Variants in SEMA3A observed in about 807,000 individuals in gnomAD.
SEMA3A encodes semaphorin 3A.
SEMA3A carries 29 observed loss-of-function variants against 97.9 expected under a neutral mutation model. The ratio of observed to expected loss-of-function variants is 0.30; its 90% CI spans 0.22 to 0.40. The LOEUF (loss-of-function observed/expected upper bound fraction) is 0.40. SEMA3A is among the 10% of genes least tolerant of loss of function. The pLI, the probability that SEMA3A is intolerant of heterozygous loss-of-function variation, is 1.00. For synonymous variants in SEMA3A, 321 were observed against 323.7 expected (o/e 0.99, Z 0.09); for missense variants, 763 against 951.3 (o/e 0.80, Z 2.60).
chr7:84,463,795 TC>T (rs1165620406), intron 1 of SEMA3A, among the ~76,000 whole-genome samples: 2 of 151,724 alleles, frequency 1.3e-5, no homozygotes, highest in East Asian at 3.9e-4. Context: ...CCACTTTTCC[TC>T]CCTCTTTCCC....
intron 2 of SEMA3A, among the ~76,000 whole-genome samples, chr7:84,316,526 G>A (rs1189901195): frequency 6.6e-6 from 1 of 151,876 alleles, no homozygotes; most frequent in Admixed American, 6.6e-5. Context: ...ACCCTATGAA[G>A]TCCACCATTA....
At chr7:84,424,183 C>T (rs575419623) in intron 1 of SEMA3A, among the ~76,000 whole-genome samples, 4 of 151,248 alleles carry the variant, frequency 2.6e-5, no homozygotes, top group African/African-American at 9.7e-5. Context: ...CAAAAAGACA[C>T]CTGCACACGA....
intron 7 of SEMA3A, among the ~76,000 whole-genome samples, chr7:84,013,527 A>C (rs934579672): frequency 6.6e-6 from 1 of 152,138 alleles, no homozygotes; most frequent in African/African-American, 2.4e-5. Context: ...TTAAATGAAT[A>C]CTTCACATCT....
intron 2 of SEMA3A, among the ~76,000 whole-genome samples, chr7:84,332,594 G>A (rs1313014960): frequency 1.3e-5 from 2 of 151,860 alleles, no homozygotes; most frequent in Admixed American, 1.3e-4. Flanking sequence ...ATTTAGTGTG[G>A]TAGTTAAAAG....
At chr7:84,323,331 T>G (rs1801696997) in intron 2 of SEMA3A, among the ~76,000 whole-genome samples, 2 of 152,172 alleles carry the variant, frequency 1.3e-5, no homozygotes, top group African/African-American at 4.8e-5. Context: ...TTGCTAAAGT[T>G]TGCTAATATT....
chr7:84,393,800 A>T (rs1345413932), intron 1 of SEMA3A, among the ~76,000 whole-genome samples: 1 of 152,120 alleles, frequency 6.6e-6, no homozygotes, highest in Non-Finnish European at 1.5e-5. Flanking sequence ...CTTCCATGAA[A>T]AATGAGTAAG....
At chr7:84,112,716 G>C (rs992845722) in intron 3 of SEMA3A, among the ~76,000 whole-genome samples, 3 of 152,136 alleles carry the variant, frequency 2.0e-5, no homozygotes, top group African/African-American at 7.2e-5. Flanking sequence ...TGTAATTAAT[G>C]ACTGAAAAAC....
chr7:84,228,651 A>G (rs2116351002), intron 3 of SEMA3A, among the ~76,000 whole-genome samples: 1 of 152,248 alleles, frequency 6.6e-6, no homozygotes. Context: ...TCTGGGTTCT[A>G]TTTGGGGTTT....
intron 2 of SEMA3A, among the ~76,000 whole-genome samples, chr7:84,358,781 C>A (rs547651265): frequency 6.6e-6 from 1 of 152,204 alleles, no homozygotes; most frequent in South Asian, 2.1e-4. Context: ...ATGGAATGTT[C>A]TTCCATTTGT....
intron 3 of SEMA3A, among the ~76,000 whole-genome samples, chr7:84,299,333 T>C (rs984046901): frequency 7.5e-6 from 1 of 132,578 alleles, no homozygotes; most frequent in Admixed American, 7.7e-5. Context: ...TCTCCATATA[T>C]ATGTATCTCT....
At chr7:84,158,148 CTTTTTTTTTTTTT>C (rs1187182577) in intron 1 of SEMA3A, among the ~76,000 whole-genome samples, 1 of 82,290 alleles carries the variant, frequency 1.2e-5, no homozygotes, top group African/African-American at 4.5e-5. Context: ...ACAGCTAATT[CTTTTTTTTTTTTT>C]TTTTTTTTTT....
intron 1 of SEMA3A, among the ~76,000 whole-genome samples, chr7:84,440,971 C>T (rs1221858101): frequency 6.6e-6 from 1 of 152,010 alleles, no homozygotes; most frequent in Non-Finnish European, 1.5e-5. Context: ...CCAGCCTGAC[C>T]AACATGGAGA....
intron 3 of SEMA3A, among the ~76,000 whole-genome samples, chr7:84,267,480 C>A (rs1800036011): frequency 1.3e-5 from 2 of 152,102 alleles, no homozygotes; most frequent in African/African-American, 2.4e-5. Flanking sequence ...CCTTACCATA[C>A]CAGCAAAGTA....
chr7:84,443,880 C>CTTTTTT (rs71078831), intron 1 of SEMA3A, among the ~76,000 whole-genome samples: 29 of 92,418 alleles, frequency 3.1e-4, no homozygotes, highest in Non-Finnish European at 5.5e-4. Flanking sequence ...GTGCTTTGTC[C>CTTTTTT]TTTTTTTTTT....
Position 84,262,505 on chromosome 7 carries a change from T to G in SEMA3A, c.-83+44702A>C, listed in dbSNP as rs184442744. ...CTGGGATTACAGGTGTAAGCCACCA[T>G]GCCTGGCCAATGTATTTTCAATCAT... On this transcript the variant is annotated intron_variant, in intron 3 of 3. Transcript: ENST00000424555. Among the ~76,000 whole-genome samples, 275 of 152,336 alleles carry G rather than the reference T, an allele frequency of 1.8e-3. 3 individuals carry two copies. Among genetic ancestry groups the G allele is most frequent in the African/African-American group, 6.3e-3 (262 of 41,590 alleles).
chr7:84,478,474 G>A (rs1806359989), intron 1 of SEMA3A, among the ~76,000 whole-genome samples: 1 of 151,896 alleles, frequency 6.6e-6, no homozygotes, highest in Non-Finnish European at 1.5e-5. Flanking sequence ...AGATCTTGGT[G>A]AAAATAAAAC....
intron 1 of SEMA3A, among the ~76,000 whole-genome samples, chr7:84,475,351 C>G (rs1242333566): frequency 6.6e-6 from 1 of 151,970 alleles, no homozygotes; most frequent in African/African-American, 2.4e-5. Context: ...GTTTCCTTGT[C>G]ATTGCTTTTG....
intron 1 of SEMA3A, among the ~76,000 whole-genome samples, chr7:84,454,774 A>T (rs895241491): frequency 8.5e-6 from 1 of 117,650 alleles, no homozygotes; most frequent in African/African-American, 3.8e-5. Flanking sequence ...TGGCAAGATC[A>T]AAACTTAGAC....
intron 1 of SEMA3A, among the ~76,000 whole-genome samples, chr7:84,389,458 T>G (rs1348151982): frequency 6.6e-6 from 1 of 152,102 alleles, no homozygotes; most frequent in Non-Finnish European, 1.5e-5. Flanking sequence ...TTTTTGATTT[T>G]CAAGTATGTA....
Sources: allele counts gnomAD v4.1 joint callset (sites outside exome capture counted in the v4.1 genomes callset), GRCh38; gene constraint gnomAD v4.1.1; transcripts MANE v1.5; gene names NCBI Gene and HGNC (gene_info 2026-07-23, HGNC 2026-07-21).